SGMS1: variants seen among roughly 807,000 people sequenced by gnomAD.
The protein encoded by SGMS1 is phosphatidylcholine:ceramide cholinephosphotransferase 1.
Under a neutral mutation model 46.2 loss-of-function variants are expected in SGMS1, and 13 were observed. That is an observed-to-expected ratio of 0.28 (90% CI 0.18 to 0.45). SGMS1 has a LOEUF of 0.45. SGMS1 is among the 20% of genes least tolerant of loss of function. The pLI is 1.00. For missense variants in SGMS1, 324 were observed against 519.9 expected (o/e 0.62, Z 3.66); for synonymous variants, 203 against 187.8 (o/e 1.08, Z -0.66).
intron 3 of SGMS1, among the ~76,000 whole-genome samples, chr10:50,501,223 T>C (rs1425030723): frequency 1.3e-5 from 2 of 152,286 alleles, no homozygotes; most frequent in East Asian, 1.9e-4. Context: ...TAAATTCTCA[T>C]TCTTTTCCAG....
intron 9 of SGMS1, 141 bp from the exon 10 acceptor site, chr10:50,308,289 C>T (rs1025666027): frequency 5.7e-6 from 4 of 703,706 alleles, no homozygotes; most frequent in South Asian, 4.4e-5. Flanking sequence ...TAAGGGCTGT[C>T]ATTTATCTGT....
chr10:50,621,243 T>A (rs1425150358), intron 1 of SGMS1, among the ~76,000 whole-genome samples: 1 of 152,168 alleles, frequency 6.6e-6, no homozygotes, highest in Non-Finnish European at 1.5e-5. Flanking sequence ...TTGGTTTTCA[T>A]GACGTATGTT....
intron 5 of SGMS1, among the ~76,000 whole-genome samples, chr10:50,446,041 T>C (rs952506063): frequency 6.6e-6 from 1 of 152,120 alleles, no homozygotes; most frequent in Non-Finnish European, 1.5e-5. Context: ...ATGAGGAAAT[T>C]CCCACCTAAT....
intron 1 of SGMS1, among the ~76,000 whole-genome samples, chr10:50,611,836 A>G (rs578071364): frequency 5.9e-5 from 9 of 151,514 alleles, no homozygotes; most frequent in Admixed American, 1.3e-4. Flanking sequence ...CAGGAGTAAA[A>G]CATTCCTCTT....
intron 3 of SGMS1, among the ~76,000 whole-genome samples, chr10:50,497,631 A>G (rs1357647995): frequency 6.6e-6 from 1 of 152,164 alleles, no homozygotes; most frequent in Non-Finnish European, 1.5e-5. Context: ...TGTCTCTACT[A>G]AAAATACAAA....
At chr10:50,574,779 G>A (rs527350789) in intron 2 of SGMS1, among the ~76,000 whole-genome samples, 14 of 151,990 alleles carry the variant, frequency 9.2e-5, no homozygotes, top group African/African-American at 3.4e-4. Flanking sequence ...ATGTGGTACC[G>A]TAGGAAGATG....
At chr10:50,587,973 A>T (rs1838503387) in intron 2 of SGMS1, among the ~76,000 whole-genome samples, 1 of 151,992 alleles carries the variant, frequency 6.6e-6, no homozygotes, top group Non-Finnish European at 1.5e-5. Context: ...AGTTTTTTAA[A>T]ATCACCATAT....
chr10:50,436,156 G>C (rs372963372), intron 5 of SGMS1, among the ~76,000 whole-genome samples: 19 of 152,132 alleles, frequency 1.2e-4, no homozygotes, highest in African/African-American at 3.9e-4. Context: ...CCAGGCTGGA[G>C]TGCAGTGGCA....
At chr10:50,383,591 T>A (rs953913813) in intron 6 of SGMS1, among the ~76,000 whole-genome samples, 2 of 152,162 alleles carry the variant, frequency 1.3e-5, no homozygotes, top group Non-Finnish European at 2.9e-5. Context: ...AATTTTTTTT[T>A]AATTACAACA....
intron 8 of SGMS1, among the ~76,000 whole-genome samples, chr10:50,321,882 C>T (rs947504117): frequency 6.6e-6 from 1 of 152,212 alleles, no homozygotes; most frequent in South Asian, 2.1e-4. Flanking sequence ...CTTGTGCCAG[C>T]ATAGGGACCC....
intron 8 of SGMS1, among the ~76,000 whole-genome samples, chr10:50,318,222 A>G (rs559519763): frequency 6.6e-6 from 1 of 152,296 alleles, no homozygotes; most frequent in Admixed American, 6.5e-5. Context: ...ATATTGTGCT[A>G]TACTGGTCTC....
intron 6 of SGMS1, among the ~76,000 whole-genome samples, chr10:50,370,438 T>C (rs1172519462): frequency 6.6e-6 from 1 of 151,256 alleles, no homozygotes; most frequent in Non-Finnish European, 1.5e-5. Flanking sequence ...TTAAAAAATT[T>C]TTTTTTTTTA....
intron 2 of SGMS1, among the ~76,000 whole-genome samples, chr10:50,588,270 T>C (rs1838505723): frequency 1.3e-5 from 2 of 152,222 alleles, no homozygotes. Flanking sequence ...CTGCCCTAAA[T>C]GGCTCACTTA....
chr10:50,529,775 G>A (rs149926690), intron 2 of SGMS1, among the ~76,000 whole-genome samples: 2 of 152,238 alleles, frequency 1.3e-5, no homozygotes, highest in East Asian at 3.9e-4. Flanking sequence ...GAACAAGGCT[G>A]GGCCAACAAT....
chr10:50,454,300 A>G (rs553339599), intron 5 of SGMS1, among the ~76,000 whole-genome samples: 6 of 152,260 alleles, frequency 3.9e-5, no homozygotes, highest in African/African-American at 1.4e-4. Context: ...TTAAGAAGGG[A>G]ATAGAACTAT....
chr10:50,624,224 A>G (rs191168529), upstream of SGMS1: 323 of 620,252 alleles, frequency 5.2e-4, 1 homozygote, highest in African/African-American at 6.0e-3. Flanking sequence ...AGCGGGAGCC[A>G]GATTTTACAA....
intron 2 of SGMS1, among the ~76,000 whole-genome samples, chr10:50,523,716 ATAAT>A (rs1416063419): frequency 6.6e-6 from 1 of 152,258 alleles, no homozygotes; most frequent in African/African-American, 2.4e-5. Context: ...TGTTGAGAAA[ATAAT>A]TAGAAAATAA....
chr10:50,436,562 C>A (rs530963995), intron 5 of SGMS1, among the ~76,000 whole-genome samples: 1 of 152,152 alleles, frequency 6.6e-6, no homozygotes, highest in African/African-American at 2.4e-5. Context: ...GACGTATGAA[C>A]CCTGGCTGTG....
At chr10:50,551,651 T>G (rs1223438375) in intron 2 of SGMS1, among the ~76,000 whole-genome samples, 1 of 152,024 alleles carries the variant, frequency 6.6e-6, no homozygotes, top group Non-Finnish European at 1.5e-5. Flanking sequence ...CTTTGCAACT[T>G]TTCTGTAAAT....
Sources: gnomAD v4.1 joint callset for allele counts (sites outside exome capture counted in the v4.1 genomes callset) on GRCh38, gnomAD v4.1.1 for gene constraint, MANE v1.5 for transcripts, NCBI Gene and HGNC (gene_info 2026-07-23, HGNC 2026-07-21) for gene names.